The following ENPP2 variants were observed in gnomAD, a reference collection of about 807,000 sequenced individuals.
The protein encoded by ENPP2 is ectonucleotide pyrophosphatase/phosphodiesterase 2, also known as autotaxin.
Under a neutral mutation model 120.2 loss-of-function variants are expected in ENPP2, and 51 were observed. The observed-to-expected ratio is 0.42, with a 90% CI of 0.34 to 0.54. The LOEUF is 0.54. Ranked by LOEUF, ENPP2 falls within the 20% of genes least tolerant of loss-of-function variation. ENPP2 has a pLI of 0.04. For missense variants in ENPP2, 920 were observed against 1,066.5 expected (o/e 0.86, Z 1.91); for synonymous variants, 365 against 366.4 (o/e 1.00, Z 0.04).
intron 21 of ENPP2, among the ~76,000 whole-genome samples, chr8:119,568,952 T>C (rs1212179398): frequency 6.6e-6 from 1 of 152,206 alleles, no homozygotes; most frequent in African/African-American, 2.4e-5. Context: ...CATAAACGAC[T>C]AGTGTCTTAA....
At chr8:119,562,568 G>T (rs931372705) in intron 24 of ENPP2, among the ~76,000 whole-genome samples, 1 of 152,016 alleles carries the variant, frequency 6.6e-6, no homozygotes, top group Non-Finnish European at 1.5e-5. Context: ...ATAAAATTTT[G>T]TCATTCTCCA....
At chr8:119,575,724 TG>T (rs1401326524) in intron 19 of ENPP2, among the ~76,000 whole-genome samples, 1 of 152,154 alleles carries the variant, frequency 6.6e-6, no homozygotes, top group Non-Finnish European at 1.5e-5. Flanking sequence ...ATATGTGAAG[TG>T]GCTTGTTTAG....
chr8:119,581,491 G>A (rs1032929036), intron 18 of ENPP2, among the ~76,000 whole-genome samples: 13 of 152,120 alleles, frequency 8.5e-5, no homozygotes, highest in African/African-American at 2.9e-4. Flanking sequence ...GATGACGGTA[G>A]CACTCTCCTA....
At chr8:119,561,787 TTGTGTGTG>T (rs146680195) in intron 24 of ENPP2, among the ~76,000 whole-genome samples, 1 of 149,030 alleles carries the variant, frequency 6.7e-6, no homozygotes, top group African/African-American at 2.5e-5. Context: ...TGCTCTTGCT[TTGTGTGTG>T]TGTGTGTGTG....
intron 2 of ENPP2, among the ~76,000 whole-genome samples, chr8:119,633,446 T>C (rs1275661267): frequency 2.6e-5 from 4 of 151,144 alleles, no homozygotes; most frequent in Non-Finnish European, 2.9e-5. Context: ...GCTGTGGTTA[T>C]ACCAGCTCCT....
intron 9 of ENPP2, among the ~76,000 whole-genome samples, chr8:119,602,166 A>G (rs966122736): frequency 2.0e-5 from 3 of 152,164 alleles, no homozygotes; most frequent in Non-Finnish European, 4.4e-5. Flanking sequence ...GTAAAAATCT[A>G]CCAAGAATAG....
At chr8:119,611,247 A>T (rs1020834783) in intron 8 of ENPP2, among the ~76,000 whole-genome samples, 1 of 152,246 alleles carries the variant, frequency 6.6e-6, no homozygotes, top group African/African-American at 2.4e-5. Context: ...TTCAAAAAAC[A>T]TAAACTACTA....
intron 1 of ENPP2, among the ~76,000 whole-genome samples, chr8:119,661,663 A>T (rs1227122028): frequency 6.6e-6 from 1 of 152,172 alleles, no homozygotes; most frequent in East Asian, 1.9e-4. Context: ...CAATCCCACT[A>T]CCAGGTGTAT....
intron 19 of ENPP2, among the ~76,000 whole-genome samples, chr8:119,573,407 T>TAAAAAAAAAAAAAAAA (rs1563680979): frequency 2.8e-5 from 2 of 71,548 alleles, no homozygotes; most frequent in African/African-American, 1.4e-4. Context: ...GCTCCGTCTC[T>TAAAAAAAAAAAAAAAA]TAAAAAAAAA....
chr8:119,625,850 T>A (rs1465431126), intron 3 of ENPP2, among the ~76,000 whole-genome samples: 1 of 152,182 alleles, frequency 6.6e-6, no homozygotes, highest in Non-Finnish European at 1.5e-5. Context: ...CTAGTAACTG[T>A]TCCAGCACAA....
intron 11 of ENPP2, among the ~76,000 whole-genome samples, chr8:119,598,804 G>C (rs1239428077): frequency 1.3e-5 from 2 of 152,134 alleles, no homozygotes; most frequent in Non-Finnish European, 2.9e-5. Flanking sequence ...TGGTTCCATG[G>C]AAGGGAGTGT....
chr8:119,586,309 T>C lies in ENPP2; in HGVS notation c.1244A>G (p.Lys415Arg), dbSNP rs1813106877. 1 of 1,613,694 alleles carries C rather than the reference T, an allele frequency of 6.2e-7. No individual in the cohort carries two copies. Among genetic ancestry groups the C allele is most frequent in the African/African-American group, 1.3e-5 (1 of 74,920 alleles). ...AGGCTTAAAGTGCTGATCTGGTTTTTTACACTGAAATAGAAATGGAAATCA... is the reference window on the plus strand; with the variant it reads ...AGGCTTAAAGTGCTGATCTGGTTTTCTACACTGAAATAGAAATGGAAATCA... ...PKAIIANLTC[K>R]KPDQHFKPYL... Residue 415 changes from lysine to arginine, a missense_variant, in exon 15 of 25, where the codon AAA (lysine) becomes AGA (arginine). Transcript: ENST00000075322.
chr8:119,642,909 G>A (rs979698913), upstream of ENPP2, among the ~76,000 whole-genome samples: 15 of 152,162 alleles, frequency 9.9e-5, no homozygotes, highest in African/African-American at 3.1e-4. Context: ...GAAGGTTGTC[G>A]TTCTTGCTTC....
chr8:119,604,049 A>T, intron 9 of ENPP2, among the ~76,000 whole-genome samples: 1 of 140,038 alleles, frequency 7.1e-6, no homozygotes, highest in African/African-American at 2.7e-5. Flanking sequence ...TGTTGTTGAG[A>T]TGGAGTCTTG....
At chr8:119,633,149 C>T (rs765270924) in intron 2 of ENPP2, among the ~76,000 whole-genome samples, 11 of 152,152 alleles carry the variant, frequency 7.2e-5, no homozygotes, top group Non-Finnish European at 1.5e-4. Flanking sequence ...GGAGCCTAAC[C>T]GATGACAAAA....
chr8:119,638,062 C>G (rs1440521174), intron 2 of ENPP2, among the ~76,000 whole-genome samples: 1 of 152,178 alleles, frequency 6.6e-6, no homozygotes, highest in African/African-American at 2.4e-5. Flanking sequence ...GCAAATACTA[C>G]ATCCTATATC....
At chr8:119,619,341 A>G in intron 4 of ENPP2, 37 bp from the exon 5 acceptor site, 3 of 1,372,424 alleles carry the variant, frequency 2.2e-6, no homozygotes, top group Non-Finnish European at 3.1e-6. Context: ...TGTTGAATCT[A>G]ATTACAAATG....
At chr8:119,627,726 G>A (rs1309808298) in intron 2 of ENPP2, among the ~76,000 whole-genome samples, 1 of 151,992 alleles carries the variant, frequency 6.6e-6, no homozygotes, top group Admixed American at 6.6e-5. Flanking sequence ...GCCCAGCGTG[G>A]TGGCAGGTGC....
chr8:119,580,790 C>T (rs1812677935), intron 18 of ENPP2: 1 of 152,194 alleles, frequency 6.6e-6, no homozygotes, highest in South Asian at 2.1e-4. Context: ...ACTGTATTAG[C>T]AGTAAAAATA....
Sources: gnomAD v4.1 joint callset for allele counts (sites outside exome capture counted in the v4.1 genomes callset) on GRCh38, gnomAD v4.1.1 for gene constraint, MANE v1.5 for transcripts, NCBI Gene and HGNC (gene_info 2026-07-23, HGNC 2026-07-21) for gene names.